Variants in PNPLA1 observed in about 807,000 individuals in gnomAD.
PNPLA1 encodes omega-hydroxyceramide transacylase.
PNPLA1 carries 36 observed loss-of-function variants against 51.7 expected under a neutral mutation model. The ratio of observed to expected loss-of-function variants is 0.70; its 90% confidence interval spans 0.53 to 0.92. The LOEUF is 0.92. Ranked by LOEUF, PNPLA1 falls within the 40% of genes least tolerant of loss-of-function variation. The pLI is 0.00. For synonymous variants in PNPLA1, 293 were observed against 280.1 expected, an observed-to-expected ratio of 1.05 and a Z score of -0.46; for missense variants, 658 against 682.5, an observed-to-expected ratio of 0.96 and a Z score of 0.40.
intron 5 of PNPLA1, among the ~76,000 whole-genome samples, chr6:36,300,178 TGAGA>T (rs71548136): frequency 0.032 from 3,158 of 98,074 alleles, 59 homozygotes; most frequent in African/African-American, 0.044. Flanking sequence ...TGTGTGTGTG[TGAGA>T]GAGAGAGAGA....
At position 36,280,001 on chromosome 6, in the gene PNPLA1, A is replaced by T. The variant is rs576437428; in HGVS notation, c.205+9337A>T. On this transcript the variant is annotated intron_variant, in intron 1 of 8. Coordinates refer to ENST00000636260, the MANE Select transcript of PNPLA1 (RefSeq NM_001374623.1). ...GGCAGGCAGATCACGAGGTTAGGAG[A>T]TCAAGACCATCCTGGCCAACACGGT... Among the ~76,000 whole-genome samples the T allele has an allele frequency of 9.2e-5, 14 of 152,208 alleles. 1 individual carries two copies. In the South Asian group the frequency reaches 2.9e-3, roughly 32 times the overall value.
intron 1 of PNPLA1, among the ~76,000 whole-genome samples, chr6:36,277,410 G>A (rs192542180): frequency 5.9e-5 from 9 of 152,312 alleles, no homozygotes; most frequent in African/African-American, 1.9e-4. Flanking sequence ...TTTTTGGGAG[G>A]CCATGTGGCC....
At chr6:36,264,701 T>C (rs928291406) in intron 1 of PNPLA1, among the ~76,000 whole-genome samples, 2 of 152,190 alleles carry the variant, frequency 1.3e-5, no homozygotes, top group African/African-American at 4.8e-5. Flanking sequence ...TAAGATTTCT[T>C]CAGTCTGGCT....
At chr6:36,259,596 A>G (rs995843907) in intron 1 of PNPLA1, among the ~76,000 whole-genome samples, 2 of 151,916 alleles carry the variant, frequency 1.3e-5, no homozygotes, top group African/African-American at 2.4e-5. Context: ...AAAGCTTTTC[A>G]GGAGAAAAAA....
intron 1 of PNPLA1, among the ~76,000 whole-genome samples, chr6:36,264,574 G>C (rs898265440): frequency 2.6e-5 from 4 of 152,104 alleles, no homozygotes; most frequent in Admixed American, 6.5e-5. Context: ...GTTCTCCTGG[G>C]AGGGGAAGTG....
chr6:36,264,537 C>A (rs1159854399), intron 1 of PNPLA1, among the ~76,000 whole-genome samples: 3 of 151,276 alleles, frequency 2.0e-5, no homozygotes, highest in Non-Finnish European at 4.4e-5. Flanking sequence ...GGAAAGAGTC[C>A]CTTCAACCTG....
chr6:36,254,350 G>T (rs1251100608), intron 1 of PNPLA1, among the ~76,000 whole-genome samples: 2 of 152,106 alleles, frequency 1.3e-5, no homozygotes, highest in Non-Finnish European at 2.9e-5. Flanking sequence ...TGAGGTGGGA[G>T]GATTGCCTGA....
At position 36,294,778 on chromosome 6, in the gene PNPLA1, A is replaced by C. The variant is rs537993185; in HGVS notation, c.714+379A>C. Among the ~76,000 whole-genome samples, 8 of 152,300 alleles carry C rather than the reference A, an allele frequency of 5.3e-5. No individual in the cohort carries two copies. The South Asian group carries it at 1.7e-3, about 32-fold the overall frequency. ...CCTGTGAGCTAAGAAAGGGTTTTCC[A>C]TTTTTAGAGAGTTATGGGGGAAAGA... On this transcript the variant is annotated intron_variant, in intron 4 of 8. Coordinates refer to ENST00000636260, the MANE Select transcript of PNPLA1 (RefSeq NM_001374623.1). The surrounding 1 kb of genome is among the most constrained non-coding windows in gnomAD (Gnocchi z 4.2).
At chr6:36,258,762 T>A (rs1029369022) in intron 1 of PNPLA1, among the ~76,000 whole-genome samples, 5 of 152,232 alleles carry the variant, frequency 3.3e-5, no homozygotes, top group Non-Finnish European at 7.3e-5. Flanking sequence ...AATTAGGATT[T>A]GTTTAGTCAG....
intron 1 of PNPLA1, among the ~76,000 whole-genome samples, chr6:36,287,771 CACACACACACA>C (rs1770542767): frequency 6.7e-6 from 1 of 149,576 alleles, no homozygotes; most frequent in Non-Finnish European, 1.5e-5. Flanking sequence ...CACACACACA[CACACACACACA>C]CACACACACA....
At chr6:36,310,758 G>A (rs948415247) in intron 8 of PNPLA1, among the ~76,000 whole-genome samples, 2 of 152,182 alleles carry the variant, frequency 1.3e-5, no homozygotes, top group African/African-American at 4.8e-5. Flanking sequence ...GCACTGGGGT[G>A]GGAGTCAGAA....
At chr6:36,299,850 T>G (rs1770976551) in intron 5 of PNPLA1, among the ~76,000 whole-genome samples, 1 of 152,184 alleles carries the variant, frequency 6.6e-6, no homozygotes, top group Non-Finnish European at 1.5e-5. Context: ...TAATAAGCTT[T>G]GTTTTTTTAG....
intron 5 of PNPLA1, among the ~76,000 whole-genome samples, chr6:36,296,885 C>G (rs531959466): frequency 7.2e-4 from 110 of 152,296 alleles, no homozygotes; most frequent in African/African-American, 2.6e-3. Flanking sequence ...CACCTACTAA[C>G]TGTGTGATAT....
intron 1 of PNPLA1, among the ~76,000 whole-genome samples, chr6:36,282,143 GAGAC>G (rs1383650993): frequency 3.8e-5 from 4 of 105,596 alleles, no homozygotes; most frequent in Admixed American, 2.1e-4. Context: ...GAAGGAAAGA[GAGAC>G]AGAGAGAGAG....
chr6:36,280,265 A>G (rs1770239442), intron 1 of PNPLA1, among the ~76,000 whole-genome samples: 1 of 152,216 alleles, frequency 6.6e-6, no homozygotes, highest in East Asian at 1.9e-4. Context: ...AATGTTTTTC[A>G]TGGTAATTGT....
rs764080898 is a variant in PNPLA1 at position 36,293,058 on chromosome 6, C to T, written c.439-3C>T. On this transcript the variant is annotated splice_polypyrimidine_tract_variant and splice_region_variant and intron_variant, in intron 2 of 8. Transcript: ENST00000636260. ...GCATCTCAGCCCTGTTCTCTCCGCA[C>T]AGGCCCTATACTGCAGCTGCTTCGT... 8.1e-6 allele frequency: 13 copies of T among 1,613,178 alleles called. No individual in the cohort carries two copies. The highest frequency in any genetic ancestry group is 1.1e-5 in the Non-Finnish European group (13 of 1,179,556).
At chr6:36,283,343 T>G (rs866523834) in intron 1 of PNPLA1, among the ~76,000 whole-genome samples, 18 of 152,350 alleles carry the variant, frequency 1.2e-4, no homozygotes, top group African/African-American at 4.3e-4. Flanking sequence ...GGGCTCAAAT[T>G]CAAGAAAGAC....
intron 1 of PNPLA1, among the ~76,000 whole-genome samples, chr6:36,286,715 G>C (rs1408289339): frequency 6.6e-6 from 1 of 152,168 alleles, no homozygotes. Context: ...GTCTCACTCT[G>C]TCATCCAGGC....
At chr6:36,244,074 G>A (rs1399219664) in intron 1 of PNPLA1, among the ~76,000 whole-genome samples, 1 of 152,122 alleles carries the variant, frequency 6.6e-6, no homozygotes, top group Non-Finnish European at 1.5e-5. Context: ...TCACAAGTCC[G>A]TCTGATTCTA....
Sources: gnomAD v4.1 joint callset for allele counts (sites outside exome capture counted in the v4.1 genomes callset) on GRCh38, gnomAD v4.1.1 for gene constraint, Gnocchi (gnomAD v3.1) non-coding constraint, MANE v1.5 for transcripts, NCBI Gene and HGNC (gene_info 2026-07-23, HGNC 2026-07-21) for gene names.